R3HDM1: variants seen among roughly 807,000 people sequenced by gnomAD.
R3HDM1 encodes the protein R3H domain-containing protein 1.
R3HDM1 carries 46 observed loss-of-function variants against 141.1 expected under a neutral mutation model. The ratio of observed to expected loss-of-function variants is 0.33; its 90% CI spans 0.26 to 0.42. The LOEUF is 0.42. Ranked by LOEUF, R3HDM1 falls within the 10% of genes least tolerant of loss-of-function variation. The pLI is 1.00. For synonymous variants in R3HDM1, 435 were observed against 472.9 expected, an observed-to-expected ratio of 0.92 and a Z score of 1.04; for missense variants, 1,184 against 1,368.3, an observed-to-expected ratio of 0.87 and a Z score of 2.12.
intron 19 of R3HDM1, among the ~76,000 whole-genome samples, chr2:135,668,606 G>A (rs1407422436): frequency 3.3e-5 from 5 of 152,186 alleles, no homozygotes; most frequent in African/African-American, 1.2e-4. Flanking sequence ...TAAACCTGGT[G>A]AATTTTCCTG....
intron 1 of R3HDM1, among the ~76,000 whole-genome samples, chr2:135,552,988 C>T (rs1429315412): frequency 6.6e-6 from 1 of 152,062 alleles, no homozygotes; most frequent in Non-Finnish European, 1.5e-5. Flanking sequence ...AAGCGATCCA[C>T]CTACCTCAGC....
intron 21 of R3HDM1, among the ~76,000 whole-genome samples, chr2:135,685,435 G>C (rs114786630): frequency 4.6e-5 from 7 of 152,122 alleles, no homozygotes; most frequent in Non-Finnish European, 7.4e-5. Flanking sequence ...ACTTGGTTTT[G>C]GTTTCTTGTA....
intron 1 of R3HDM1, among the ~76,000 whole-genome samples, chr2:135,542,196 C>T (rs1458625341): frequency 6.6e-6 from 1 of 152,174 alleles, no homozygotes; most frequent in Non-Finnish European, 1.5e-5. Flanking sequence ...GATTTTGAAG[C>T]ATTTTGGATT....
intron 1 of R3HDM1, chr2:135,584,393 C>G (rs1020559009): frequency 1.1e-6 from 1 of 940,224 alleles, no homozygotes; most frequent in Non-Finnish European, 1.3e-6. Context: ...TTTTCATTAC[C>G]TGACCTCGGT....
chr2:135,654,411 A>G (rs917000332), intron 18 of R3HDM1, among the ~76,000 whole-genome samples: 1 of 150,686 alleles, frequency 6.6e-6, no homozygotes, highest in African/African-American at 2.5e-5. Flanking sequence ...ATTAATTGAA[A>G]TTTGGAATGT....
intron 23 of R3HDM1, among the ~76,000 whole-genome samples, chr2:135,713,361 C>G (rs2075863597): frequency 6.6e-6 from 1 of 152,184 alleles, no homozygotes; most frequent in Non-Finnish European, 1.5e-5. Context: ...TGGCAAAGAT[C>G]AAGTTATAAG....
chr2:135,659,183 G>A lies in R3HDM1; in HGVS notation c.2029-2087G>A, dbSNP rs193110888. ...CACGATCTTGGCTCACTGAAGCCTCGACCTCCCAGATTCAAGCAATTCTCC... is the reference window on the plus strand; with the variant it reads ...CACGATCTTGGCTCACTGAAGCCTCAACCTCCCAGATTCAAGCAATTCTCC... On this transcript the variant is annotated intron_variant, in intron 18 of 26. Coordinates refer to ENST00000683871, the MANE Select transcript of R3HDM1 (RefSeq NM_001378107.1). 1.3e-3 allele frequency among the ~76,000 whole-genome samples: 201 copies of A among 151,632 alleles called. 2 individuals carry two copies. The highest frequency in any genetic ancestry group is 3.4e-3 in the Middle Eastern group (1 of 294).
intron 21 of R3HDM1, among the ~76,000 whole-genome samples, chr2:135,709,181 C>G (rs1457885853): frequency 6.6e-6 from 1 of 152,072 alleles, no homozygotes; most frequent in East Asian, 1.9e-4. Flanking sequence ...TTACACCATT[C>G]TCCTGCCTCA....
At chr2:135,624,349 G>A (rs2061794207) in intron 7 of R3HDM1, among the ~76,000 whole-genome samples, 1 of 149,964 alleles carries the variant, frequency 6.7e-6, no homozygotes, top group Admixed American at 6.7e-5. Flanking sequence ...GAGTAGAGAT[G>A]CGCCACTGCA....
At chr2:135,604,530 C>G (rs2059887043) in intron 2 of R3HDM1, among the ~76,000 whole-genome samples, 1 of 152,186 alleles carries the variant, frequency 6.6e-6, no homozygotes, top group South Asian at 2.1e-4. Flanking sequence ...CTCCTGGACT[C>G]AAGCAGTCAT....
intron 1 of R3HDM1, among the ~76,000 whole-genome samples, chr2:135,547,989 G>T (rs963504217): frequency 6.6e-6 from 1 of 151,966 alleles, no homozygotes; most frequent in Non-Finnish European, 1.5e-5. Flanking sequence ...GGACAGGATG[G>T]TCTCGATCTC....
At chr2:135,614,315 G>A (rs1243198696) in intron 3 of R3HDM1, among the ~76,000 whole-genome samples, 1 of 151,966 alleles carries the variant, frequency 6.6e-6, no homozygotes, top group Non-Finnish European at 1.5e-5. Flanking sequence ...TTTTAAATTA[G>A]CATTTGTTAG....
At chr2:135,651,423 T>G in intron 17 of R3HDM1, 1 of 978,006 alleles carries the variant, frequency 1.0e-6, no homozygotes, top group Non-Finnish European at 1.2e-6. Context: ...TACATTCTAA[T>G]GTTGCTTTCA....
At position 135,645,374 on chromosome 2, in the gene R3HDM1, T is replaced by C; in HGVS notation, c.1475-5T>C. 1 of 1,584,310 alleles carries C rather than the reference T, an allele frequency of 6.3e-7. No homozygotes were observed. The highest frequency in any genetic ancestry group is 1.2e-5 in the South Asian group (1 of 86,656). On this transcript the variant is annotated splice_polypyrimidine_tract_variant and splice_region_variant and intron_variant, in intron 15 of 26. Coordinates refer to ENST00000683871, the MANE Select transcript of R3HDM1 (RefSeq NM_001378107.1). ...TATTTTTTTCCCTCTTTTTGAATTT[T>C]TCAGGTCAGCCCTTCATAAACCCAG...
Position 135,547,176 on chromosome 2 carries a change from G to A in R3HDM1, c.-250+15543G>A, listed in dbSNP as rs541250933. Among the ~76,000 whole-genome samples, 5 of 152,202 alleles carry A rather than the reference G, an allele frequency of 3.3e-5. No individual in the cohort carries two copies. In the South Asian group the frequency reaches 1.0e-3, roughly 32 times the overall value. On this transcript the variant is annotated intron_variant, in intron 1 of 26. Coordinates refer to ENST00000683871, the MANE Select transcript of R3HDM1 (RefSeq NM_001378107.1). ...TGGAAGGCATGGGATAGAAAACTGAGCCTGTGTAGAACTTAACTACATTTC... is the reference window on the plus strand; with the variant it reads ...TGGAAGGCATGGGATAGAAAACTGAACCTGTGTAGAACTTAACTACATTTC...
At chr2:135,536,388 C>A in intron 1 of R3HDM1, 1 of 253,786 alleles carries the variant, frequency 3.9e-6, no homozygotes, top group Non-Finnish European at 6.2e-6. Context: ...CGCAAGCAAT[C>A]CTCCTGCCTT....
At chr2:135,660,207 C>A (rs779739066) in intron 18 of R3HDM1, among the ~76,000 whole-genome samples, 10 of 152,034 alleles carry the variant, frequency 6.6e-5, no homozygotes, top group African/African-American at 2.4e-4. Flanking sequence ...TTGAGTTTCC[C>A]GTATTTGAAA....
At chr2:135,651,401 C>A (rs2065130277) in intron 17 of R3HDM1, 1 of 981,658 alleles carries the variant, frequency 1.0e-6, no homozygotes. Flanking sequence ...TGAACTTGGC[C>A]AATTTCACTT....
chr2:135,599,061 T>G (rs2059415535), intron 1 of R3HDM1, among the ~76,000 whole-genome samples: 1 of 152,224 alleles, frequency 6.6e-6, no homozygotes, highest in Non-Finnish European at 1.5e-5. Context: ...TAAAAAGATT[T>G]CCTATATATC....
Sources: gnomAD v4.1 joint callset for allele counts (sites outside exome capture counted in the v4.1 genomes callset) on GRCh38, gnomAD v4.1.1 for gene constraint, MANE v1.5 for transcripts, NCBI Gene and HGNC (gene_info 2026-07-23, HGNC 2026-07-21) for gene names.